CIAO3: variants seen among roughly 807,000 people sequenced by gnomAD.
CIAO3 encodes the protein cytosolic iron-sulfur assembly component 3.
In CIAO3, 45 loss-of-function variants were observed where a neutral mutation model predicts 51.5. The observed-to-expected ratio is 0.87, with a 90% CI of 0.69 to 1.12. The LOEUF (loss-of-function observed/expected upper bound fraction) is 1.12. Ranked by LOEUF, CIAO3 falls within the 50% of genes most tolerant of loss-of-function variation. The pLI, the probability that CIAO3 is intolerant of heterozygous loss-of-function variation, is 0.00. For synonymous variants in CIAO3, 314 were observed against 269.3 expected, an observed-to-expected ratio of 1.17 and a Z score of -1.63; for missense variants, 668 against 632.5, an observed-to-expected ratio of 1.06 and a Z score of -0.60.
At chr16:733,865 T>C (rs12051245) in intron 6 of CIAO3, 108,035 of 364,852 alleles carry the variant, frequency 0.3, 20,404 homozygotes, top group East Asian at 0.8. Flanking sequence ...TCCCGCCCCC[T>C]GCTGGCTGAG....
At chr16:732,860 A>G in intron 7 of CIAO3, 1 of 297,190 alleles carries the variant, frequency 3.4e-6, no homozygotes, top group Non-Finnish European at 6.6e-6. Flanking sequence ...CTGGTCTTGA[A>G]CTCCTGACCT....
At chr16:740,407 C>T (rs1293332491) in intron 1 of CIAO3, 1 of 318,970 alleles carries the variant, frequency 3.1e-6, no homozygotes, top group East Asian at 8.0e-5. Flanking sequence ...GCGGGCCGCC[C>T]CTACTGCCCT....
rs751074439 is a variant in CIAO3, at chr16:733,337, C to T, written c.784G>A (p.Glu262Lys). The T allele has an allele frequency of 6.2e-7, 1 of 1,613,816 alleles. No homozygotes were observed. The highest frequency in any genetic ancestry group is 8.5e-7 in the Non-Finnish European group (1 of 1,179,988). Residue 262 changes from glutamate (E) to lysine (K), a missense_variant, in exon 7 of 11, where the codon GAG (glutamate) becomes AAG (lysine). Physicochemically the swap from Glu to Lys is moderately conservative, Grantham distance 56. Coordinates refer to ENST00000251588, the MANE Select transcript of CIAO3 (RefSeq NM_022493.3). ...CAGTCCACATCCCGTGTCTGGTGCT[C>T]CTGGTTGAAAAAGTCGGGTCTGGAG... ...EASRPDFFNQEHQTRDVDCVL... is the reference protein window; with the variant it reads ...EASRPDFFNQKHQTRDVDCVL...
Position 730,407 on chromosome 16 carries a change from C to T in CIAO3, c.*10G>A. The T allele has an allele frequency of 1.9e-6, 3 of 1,598,360 alleles. No individual in the cohort carries two copies. The highest frequency in any genetic ancestry group is 2.5e-6 in the Non-Finnish European group (3 of 1,178,234). On this transcript the variant is annotated 3_prime_UTR_variant, in exon 11 of 11. Transcript: ENST00000251588. ...GACACGGCCTCCTGGGAGTCCTGGTCCTGCAGCCCCTACCACCGGATGCCC... is the reference window on the plus strand; with the variant it reads ...GACACGGCCTCCTGGGAGTCCTGGTTCTGCAGCCCCTACCACCGGATGCCC...
At position 734,283 on chromosome 16, in the gene CIAO3, C is replaced by T; in HGVS notation, c.639G>A (p.Arg213=). The part of the protein sequence containing the change: ...SFILPHISTA[R]SPQQVMGSLV... Reference sequence around the variant, plus strand: ...GGGAGCCCATGACCTGCTGCGGGGACCGGGCGGTGCTGATGTGGGGGAGGA... The same window carrying T: ...GGGAGCCCATGACCTGCTGCGGGGATCGGGCGGTGCTGATGTGGGGGAGGA... Residue 213 remains arginine, a synonymous_variant, in exon 6 of 11, where the codon CGG becomes CGA. Coordinates refer to ENST00000251588, the MANE Select transcript of CIAO3 (RefSeq NM_022493.3). 1 of 1,612,096 alleles carries T rather than the reference C, an allele frequency of 6.2e-7. No homozygotes were observed. Among genetic ancestry groups the T allele is most frequent in the Non-Finnish European group, 8.5e-7 (1 of 1,179,926 alleles).
chr16:732,444 C>T, intron 7 of CIAO3, 71 bp from the exon 8 acceptor site: 2 of 1,539,678 alleles, frequency 1.3e-6, no homozygotes, highest in South Asian at 1.1e-5. Context: ...ACATCCAAGC[C>T]ACCTGCATCC....
At position 734,271 on chromosome 16, in the gene CIAO3, C is replaced by T. The variant is rs1249944118; in HGVS notation, c.651G>A (p.Gln217=). ...PHISTARSPQ[Q]VMGSLVKDFF... ...AGTCCTTGACCAGGGAGCCCATGACCTGCTGCGGGGACCGGGCGGTGCTGA... is the reference window on the plus strand; with the variant it reads ...AGTCCTTGACCAGGGAGCCCATGACTTGCTGCGGGGACCGGGCGGTGCTGA... Residue 217 remains glutamine (Q), a synonymous_variant, in exon 6 of 11, where the codon CAG becomes CAA. Transcript: ENST00000251588. The T allele has an allele frequency of 1.2e-6, 2 of 1,612,138 alleles. No homozygotes were observed. The highest frequency in any genetic ancestry group is 1.7e-5 in the Admixed American group (1 of 60,028).
chr16:731,096 G>C, intron 9 of CIAO3, 96 bp from the exon 10 acceptor site: 2 of 1,493,410 alleles, frequency 1.3e-6, no homozygotes, highest in Non-Finnish European at 1.8e-6. Flanking sequence ...GGATGACCGG[G>C]TACCTCCCAG....
chr16:739,978 G>A, intron 1 of CIAO3: 1 of 1,484,976 alleles, frequency 6.7e-7, no homozygotes, highest in South Asian at 1.2e-5. Flanking sequence ...AGTGCTAACA[G>A]CGCCTGCAAA....
intron 1 of CIAO3, 88 bp downstream of exon 1, chr16:740,832 A>AG (rs2041382794): frequency 7.7e-7 from 1 of 1,296,884 alleles, no homozygotes; most frequent in Non-Finnish European, 1.1e-6. Context: ...CTCATTCCTC[A>AG]GGGGAGGAAG....
chr16:734,173 A>G (rs2151601837), intron 6 of CIAO3, 56 bp downstream of exon 6: 1 of 1,507,530 alleles, frequency 6.6e-7, no homozygotes, highest in Non-Finnish European at 9.2e-7. Context: ...AGAGGCCAGC[A>G]AAGTCACTTC....
Position 731,758 on chromosome 16 carries a change from G to C in CIAO3, c.897-56C>G, listed in dbSNP as rs1415280162. 7 of 1,485,784 alleles carry C rather than the reference G, an allele frequency of 4.7e-6. No homozygotes were observed. In the East Asian group the frequency reaches 1.5e-4, roughly 32 times the overall value. The allele number at this position is 1,485,784 out of a possible 1,614,324, so 92.0% of individuals were successfully genotyped here. A position where few individuals can be genotyped will look rare whatever the true frequency, so the allele number is the denominator to read the frequency against. ...TGGGGCTGCTGCCTGCCAACCTCCC[G>C]AGCAGGGCCTCTGTCCCTCACACAT... On this transcript the variant is annotated intron_variant, in intron 8 of 10. Transcript: ENST00000251588.
Position 734,304 on chromosome 16 carries a change from G to T in CIAO3, c.618C>A (p.Leu206=), listed in dbSNP as rs776067301. 1.6e-5 allele frequency: 25 copies of T among 1,611,896 alleles called. No individual in the cohort carries two copies. In the South Asian group the frequency reaches 2.5e-4, roughly 16 times the overall value. Residue 206 remains leucine (L), a synonymous_variant, in exon 6 of 11, where the codon CTC becomes CTA. Transcript: ENST00000251588. The stretch of plus-strand genomic sequence containing the variant: ...GGGACCGGGCGGTGCTGATGTGGGG[G>T]AGGATGAAGCTGCCGTGAGTCTTCT... ...YAEKTHGSFI[L]PHISTARSPQ...
chr16:734,891 G>A lies in CIAO3; in HGVS notation c.440-20C>T. Reference sequence around the variant, plus strand: ...GCACCCCTGGAAGGTGAAGGTGGGTGCCTGGTTAACCCCATGCGGGACGCC... The same window carrying A: ...GCACCCCTGGAAGGTGAAGGTGGGTACCTGGTTAACCCCATGCGGGACGCC... On this transcript the variant is annotated intron_variant, in intron 4 of 10. Transcript: ENST00000251588. 1 of 1,537,446 alleles carries A rather than the reference G, an allele frequency of 6.5e-7. No homozygotes were observed. Among genetic ancestry groups the A allele is most frequent in the Non-Finnish European group, 8.8e-7 (1 of 1,139,092 alleles).
chr16:731,352 A>G (rs763596161), intron 9 of CIAO3: 2 of 656,108 alleles, frequency 3.0e-6, no homozygotes, highest in Non-Finnish European at 4.8e-6. Flanking sequence ...ACCATCCCCC[A>G]CAATGGGCCG....
rs376496952 is a variant in CIAO3 at position 730,449 on chromosome 16, T to C, written c.1399A>G (p.Lys467Glu). The C allele has an allele frequency of 3.7e-6, 6 of 1,605,046 alleles. No homozygotes were observed. Among genetic ancestry groups the C allele is most frequent in the African/African-American group, 1.3e-5 (1 of 74,928 alleles). Residue 467 changes from lysine (K) to glutamate (E), a missense_variant, in exon 11 of 11, where the codon AAG (lysine) becomes GAG (glutamate). Transcript: ENST00000251588. ...LLHTQYHAVE[K>E]ASTGLGIRW ...CGGATGCCCAGGCCAGTGCTGGCCT[T>C]CTCCACGGCGTGGTACTGCGTATGC... is the stretch of plus-strand genomic sequence containing the variant.
At chr16:732,059 G>C in intron 8 of CIAO3, 1 of 541,814 alleles carries the variant, frequency 1.8e-6, no homozygotes. Flanking sequence ...TGTATTTTTA[G>C]TAGAGATGAG....
At chr16:736,450 C>A (rs370536752) in intron 3 of CIAO3, 52 bp from the exon 4 acceptor site, 7 of 1,607,512 alleles carry the variant, frequency 4.4e-6, no homozygotes, top group Non-Finnish European at 5.9e-6. Context: ...ATGCTGATTC[C>A]TGGTGGCCAG....
intron 7 of CIAO3, 100 bp downstream of exon 7, chr16:733,198 G>T: frequency 6.8e-7 from 1 of 1,471,484 alleles, no homozygotes; most frequent in South Asian, 1.3e-5. Flanking sequence ...TCCAGCCAGG[G>T]CCCCCACAGG....
Sources: allele counts gnomAD v4.1 joint callset, GRCh38; gene constraint gnomAD v4.1.1; transcripts MANE v1.5; gene names NCBI Gene and HGNC (gene_info 2026-07-23, HGNC 2026-07-21).